Variants in MKLN1 observed in about 807,000 individuals in gnomAD.
The protein encoded by MKLN1 is muskelin 1, also known as muskelin.
MKLN1 carries 18 observed loss-of-function variants against 99.0 expected under a neutral mutation model. That is an observed-to-expected ratio of 0.18 (90% CI 0.13 to 0.27). MKLN1 has a LOEUF of 0.27. Ranked by LOEUF, MKLN1 falls within the 10% of genes least tolerant of loss-of-function variation. The pLI is 1.00. For missense variants in MKLN1, 621 were observed against 875.9 expected (o/e 0.71, Z 3.67); for synonymous variants, 288 against 293.2 (o/e 0.98, Z 0.18).
chr7:131,262,582 G>A (rs1486857393), intron 3 of MKLN1, among the ~76,000 whole-genome samples: 5 of 149,832 alleles, frequency 3.3e-5, no homozygotes, highest in South Asian at 2.1e-4. Context: ...ATAGAGTCCC[G>A]CTCTGTGGCC....
Position 131,485,323 on chromosome 7 carries a change from G to T in MKLN1, c.2087-2284G>T, listed in dbSNP as rs1672465873. 3.3e-5 allele frequency among the ~76,000 whole-genome samples: 5 copies of T among 152,044 alleles called. No homozygotes were observed. The South Asian group carries it at 1.0e-3, about 31-fold the overall frequency. On this transcript the variant is annotated intron_variant, in intron 17 of 17. Coordinates refer to ENST00000352689, the MANE Select transcript of MKLN1 (RefSeq NM_013255.5). ...GTGATGCGAACAAATAAGTAAAATG[G>T]GAGGAGGGGAAGAAACAGCTCTTCT...
At chr7:131,316,583 C>A (rs1180926065) in intron 3 of MKLN1, among the ~76,000 whole-genome samples, 1 of 152,130 alleles carries the variant, frequency 6.6e-6, no homozygotes, top group Non-Finnish European at 1.5e-5. Flanking sequence ...CCAGCAAGGA[C>A]ACAAAACTGG....
intron 3 of MKLN1, among the ~76,000 whole-genome samples, chr7:131,275,913 C>T (rs942052240): frequency 1.3e-5 from 2 of 152,130 alleles, no homozygotes; most frequent in African/African-American, 4.8e-5. Context: ...TTGACCAAGG[C>T]AGGCCTTCCC....
chr7:131,294,711 T>G (rs1371170938), intron 3 of MKLN1, among the ~76,000 whole-genome samples: 1 of 152,204 alleles, frequency 6.6e-6, no homozygotes, highest in Non-Finnish European at 1.5e-5. Context: ...TTCCTTTCCC[T>G]TGTGTAACAT....
intron 1 of MKLN1, among the ~76,000 whole-genome samples, chr7:131,120,938 G>C: frequency 6.6e-6 from 1 of 152,094 alleles, no homozygotes; most frequent in East Asian, 1.9e-4. Context: ...CCCAATTCTG[G>C]TATCAATTTT....
At chr7:131,378,270 C>G (rs1190308132) in intron 2 of MKLN1, among the ~76,000 whole-genome samples, 2 of 152,108 alleles carry the variant, frequency 1.3e-5, no homozygotes, top group Non-Finnish European at 2.9e-5. Context: ...CACCACCACG[C>G]CCAGCTAATT....
chr7:131,247,799 C>T (rs937851309), intron 3 of MKLN1, among the ~76,000 whole-genome samples: 2 of 152,130 alleles, frequency 1.3e-5, no homozygotes, highest in African/African-American at 2.4e-5. Flanking sequence ...TTTGTCTTAG[C>T]GTTAAGAAAT....
At position 131,375,420 on chromosome 7, in the gene MKLN1, C is replaced by T; in HGVS notation, c.99-4C>T. ...TTAATTTTTTAATACTTTCTTTATT[C>T]CAGGAACATTTTAGTGGACAAACCA... On this transcript the variant is annotated splice_region_variant and splice_polypyrimidine_tract_variant and intron_variant, in intron 1 of 17. Coordinates refer to ENST00000352689, the MANE Select transcript of MKLN1 (RefSeq NM_013255.5). 1 of 1,599,966 alleles carries T rather than the reference C, an allele frequency of 6.3e-7. No individual in the cohort carries two copies. The highest frequency in any genetic ancestry group is 8.6e-7 in the Non-Finnish European group (1 of 1,167,604).
chr7:131,239,139 G>T (rs776928558), intron 3 of MKLN1, among the ~76,000 whole-genome samples: 1 of 151,484 alleles, frequency 6.6e-6, no homozygotes, highest in Non-Finnish European at 1.5e-5. Context: ...AGGGTGGCAG[G>T]GTACTCCATT....
intron 3 of MKLN1, among the ~76,000 whole-genome samples, chr7:131,242,220 A>G (rs1797414656): frequency 2.0e-5 from 3 of 152,156 alleles, no homozygotes; most frequent in Admixed American, 1.3e-4. Context: ...CTTTTGGAGG[A>G]AAGTATTTTC....
chr7:131,457,471 A>G (rs1381364820), intron 12 of MKLN1, among the ~76,000 whole-genome samples: 1 of 152,226 alleles, frequency 6.6e-6, no homozygotes, highest in Non-Finnish European at 1.5e-5. Context: ...TGAGTGAATT[A>G]ATCAGTTGGA....
intron 1 of MKLN1, among the ~76,000 whole-genome samples, chr7:131,371,985 G>A (rs987405219): frequency 5.3e-5 from 8 of 151,622 alleles, no homozygotes; most frequent in African/African-American, 1.9e-4. Flanking sequence ...TATGTGGTAC[G>A]TTTTTATTTC....
intron 3 of MKLN1, among the ~76,000 whole-genome samples, chr7:131,219,016 A>T (rs1442322745): frequency 2.0e-5 from 3 of 152,114 alleles, no homozygotes; most frequent in Non-Finnish European, 4.4e-5. Context: ...AATTCTTAGG[A>T]ACAGAAAGCA....
intron 12 of MKLN1, among the ~76,000 whole-genome samples, chr7:131,462,600 A>G (rs1796548159): frequency 6.6e-6 from 1 of 152,082 alleles, no homozygotes; most frequent in Non-Finnish European, 1.5e-5. Flanking sequence ...GGCAATTGAC[A>G]TTTCCTTTAG....
At chr7:131,127,344 C>G (rs1039137806) in intron 1 of MKLN1, among the ~76,000 whole-genome samples, 1 of 152,040 alleles carries the variant, frequency 6.6e-6, no homozygotes, top group Admixed American at 6.6e-5. Flanking sequence ...GGAGGCCACA[C>G]GCAGAGGCAT....
chr7:131,159,573 G>C (rs1250308382), intron 2 of MKLN1, among the ~76,000 whole-genome samples: 1 of 152,096 alleles, frequency 6.6e-6, no homozygotes, highest in Non-Finnish European at 1.5e-5. Flanking sequence ...GGAAGGGAAG[G>C]GGGAGTGGGG....
At chr7:131,192,117 A>G (rs1181206535) in intron 2 of MKLN1, among the ~76,000 whole-genome samples, 1 of 86,706 alleles carries the variant, frequency 1.2e-5, no homozygotes, top group Non-Finnish European at 2.2e-5. Context: ...TATTATATAT[A>G]TACGTATATA....
chr7:131,176,945 G>A (rs902827209), intron 2 of MKLN1, among the ~76,000 whole-genome samples: 16 of 152,186 alleles, frequency 1.1e-4, no homozygotes, highest in Admixed American at 5.2e-4. Context: ...TGGGCCTCAG[G>A]CTGGAAAATG....
At chr7:131,326,801 C>T (rs1034230332), upstream of MKLN1, 2 of 152,188 alleles carry the variant, frequency 1.3e-5, no homozygotes, top group Non-Finnish European at 2.9e-5. Context: ...GGTGTTTTGA[C>T]TCACTTGGTC....
Sources: gnomAD v4.1 joint callset for allele counts (sites outside exome capture counted in the v4.1 genomes callset) on GRCh38, gnomAD v4.1.1 for gene constraint, MANE v1.5 for transcripts, NCBI Gene and HGNC (gene_info 2026-07-23, HGNC 2026-07-21) for gene names.